The following NOX4 variants were observed in gnomAD, a reference collection of about 807,000 sequenced individuals.
The protein encoded by NOX4 is NADPH oxidase 4, also known as kidney oxidase-1.
In NOX4, 69 loss-of-function variants were observed where a neutral mutation model predicts 87.6. That is an observed-to-expected ratio of 0.79 (90% CI 0.65 to 0.96). The LOEUF is 0.96. Among genes scored for constraint, NOX4 ranks in the 40% least tolerant of loss-of-function variants. The pLI, the probability that NOX4 is intolerant of heterozygous loss-of-function variation, is 0.00. For missense variants in NOX4, 680 were observed against 681.5 expected (o/e 1.00, Z 0.02); for synonymous variants, 275 against 238.2 (o/e 1.15, Z -1.42).
intron 3 of NOX4, 43 bp from the exon 4 acceptor site, chr11:89,449,567 T>G: frequency 6.7e-7 from 1 of 1,497,912 alleles, no homozygotes; most frequent in Non-Finnish European, 9.2e-7. Context: ...ATGCAACAAA[T>G]GTGATAAAAG....
chr11:89,530,344 CTTT>C, the NOX4 span, among the ~76,000 whole-genome samples: 6 of 127,816 alleles, frequency 4.7e-5, no homozygotes, highest in Non-Finnish European at 3.2e-5. Context: ...GATGTCTATT[CTTT>C]TTTTTTTTTT....
chr11:89,510,352 T>A, the NOX4 span, among the ~76,000 whole-genome samples: 1 of 152,130 alleles, frequency 6.6e-6, no homozygotes, highest in Admixed American at 6.6e-5. Flanking sequence ...TTAGCTGAGA[T>A]AGGTGAACAC....
At chr11:89,549,003 C>T in the NOX4 span, among the ~76,000 whole-genome samples, 1 of 152,184 alleles carries the variant, frequency 6.6e-6, no homozygotes, top group Non-Finnish European at 1.5e-5. Context: ...CCATATATAA[C>T]AAATCTCAAA....
intron 12 of NOX4, among the ~76,000 whole-genome samples, chr11:89,362,300 T>C (rs1379072427): frequency 2.0e-5 from 3 of 152,070 alleles, no homozygotes; most frequent in Admixed American, 2.0e-4. Flanking sequence ...GTGATGCATG[T>C]GCATGTGTTT....
At position 89,326,767 on chromosome 11, in the gene NOX4, ACT is replaced by A. The variant is rs1457442634; in HGVS notation, c.1724_1725del (p.Glu575ValfsTer38). 3 of 1,611,996 alleles carry A rather than the reference ACT, an allele frequency of 1.9e-6. No individual in the cohort carries two copies. In the African/African-American group the frequency reaches 4.0e-5, roughly 22 times the overall value. On this transcript the variant is annotated frameshift_variant, in exon 18 of 18. Transcript: ENST00000263317. LOFTEE classifies it high-confidence loss of function. ...CATGGCAAAAGTTTTCAGCTGAAAG[ACT>A]CTTTATTGTATTCAAATCTTGTCCC... ...SYGTRFEYNK[E>X]SFS
chr11:89,506,404 C>A, the NOX4 span, among the ~76,000 whole-genome samples: 1 of 151,524 alleles, frequency 6.6e-6, no homozygotes, highest in South Asian at 2.1e-4. Context: ...ATATTTTCAT[C>A]CATATCTTAC....
the NOX4 span, among the ~76,000 whole-genome samples, chr11:89,541,580 G>A: frequency 6.6e-6 from 1 of 152,072 alleles, no homozygotes; most frequent in African/African-American, 2.4e-5. Flanking sequence ...CATAGTTGAT[G>A]CTGAATGCAG....
intron 8 of NOX4, among the ~76,000 whole-genome samples, chr11:89,416,999 C>A (rs544214934): frequency 6.6e-6 from 1 of 152,084 alleles, no homozygotes; most frequent in Non-Finnish European, 1.5e-5. Context: ...TTGAGGAGGA[C>A]CTTCCCCTCT....
the NOX4 span, among the ~76,000 whole-genome samples, chr11:89,510,722 T>A: frequency 6.6e-6 from 1 of 152,116 alleles, no homozygotes; most frequent in Non-Finnish European, 1.5e-5. Context: ...TGAAATAGGA[T>A]TATGTTTCCA....
chr11:89,337,487 A>T lies in NOX4; in HGVS notation c.1475T>A (p.Val492Asp), dbSNP rs765941064. Residue 492 changes from valine to aspartate, a missense_variant, in exon 16 of 18, where the codon GTC becomes GAC. By Grantham distance (152) the Val-to-Asp change is radical. Coordinates refer to ENST00000263317, the MANE Select transcript of NOX4 (RefSeq NM_016931.5). ...KFWQENRPDY[V>D]NIQLYLSQTD... ...TTGACTGAGGTACAGCTGGATGTTGACATAGTCAGGTCTGTTCTCTTGCCA... is the reference window on the plus strand; with the variant it reads ...TTGACTGAGGTACAGCTGGATGTTGTCATAGTCAGGTCTGTTCTCTTGCCA... 1.2e-6 allele frequency: 2 copies of T among 1,612,340 alleles called. No individual in the cohort carries two copies. The highest frequency in any genetic ancestry group is 1.7e-5 in the Admixed American group (1 of 59,836).
At position 89,324,734 on chromosome 11, in the gene NOX4, T is replaced by A. The variant is rs1459091047; in HGVS notation, c.*2022A>T. On this transcript the variant is annotated 3_prime_UTR_variant, in exon 18 of 18. Transcript: ENST00000263317. ...CTTTTTACTAGTTCTTTCTGTTAAA[T>A]GTTTCCATGAAAATTCTTTTTAATC... The A allele has an allele frequency of 6.6e-6, 1 of 152,240 alleles. No individual in the cohort carries two copies. The highest frequency in any genetic ancestry group is 1.5e-5 in the Non-Finnish European group (1 of 68,050). The allele number at this position is 152,240 out of a possible 1,614,324, so 9.4% of individuals were successfully genotyped here.
chr11:89,449,424 C>T lies in NOX4; in HGVS notation c.349+16G>A. The T allele has an allele frequency of 6.5e-7, 1 of 1,542,414 alleles. No homozygotes were observed. The highest frequency in any genetic ancestry group is 1.2e-5 in the South Asian group (1 of 85,956). On this transcript the variant is annotated intron_variant, in intron 4 of 17. Coordinates refer to ENST00000263317, the MANE Select transcript of NOX4 (RefSeq NM_016931.5). ...GTAATTCTAACAAATTATTTAATAT[C>T]TTGTGGCTTTCTCACCTGAGAAAAT...
the NOX4 span, among the ~76,000 whole-genome samples, chr11:89,565,966 G>C: frequency 6.6e-6 from 1 of 151,786 alleles, no homozygotes; most frequent in Non-Finnish European, 1.5e-5. Context: ...ATGTATTGCT[G>C]GATTTGTGCA....
At chr11:89,365,007 C>T (rs1439455585) in intron 12 of NOX4, among the ~76,000 whole-genome samples, 2 of 152,086 alleles carry the variant, frequency 1.3e-5, no homozygotes, top group Non-Finnish European at 2.9e-5. Flanking sequence ...CGTCATACTG[C>T]CTTATTCTCT....
chr11:89,451,379 A>T (rs1283808429), intron 3 of NOX4, among the ~76,000 whole-genome samples: 1 of 152,106 alleles, frequency 6.6e-6, no homozygotes, highest in Admixed American at 6.6e-5. Flanking sequence ...ACAGAATCTC[A>T]ATGAGACAAG....
At chr11:89,471,780 C>T (rs1945953866) in intron 2 of NOX4, among the ~76,000 whole-genome samples, 1 of 152,142 alleles carries the variant, frequency 6.6e-6, no homozygotes, top group Non-Finnish European at 1.5e-5. Context: ...CTCTCTCTGT[C>T]ACCCAGACTG....
chr11:89,335,920 G>A lies in NOX4; in HGVS notation c.1541C>T (p.Ala514Val). Residue 514 changes from alanine (A) to valine (V), a missense_variant, in exon 17 of 18, where the codon GCA becomes GTA. Ala to Val is a moderately conservative substitution (Grantham distance 64). Coordinates refer to ENST00000263317, the MANE Select transcript of NOX4 (RefSeq NM_016931.5). ...IQKIIGEKYH[A>V]LNSRLFIGRP... ...TCCTATAAACAGTCTTGAATTCAGT[G>A]CATGATATTTTTCTCCAATTATCTT... The A allele has an allele frequency of 5.0e-6, 8 of 1,596,136 alleles. No homozygotes were observed. The highest frequency in any genetic ancestry group is 6.8e-6 in the Non-Finnish European group (8 of 1,171,730).
Position 89,376,838 on chromosome 11 carries a change from C to T in NOX4, c.1075-3346G>A, listed in dbSNP as rs113286567. Among the ~76,000 whole-genome samples the T allele has an allele frequency of 1.9e-3, 283 of 152,148 alleles. 2 individuals carry two copies. Among genetic ancestry groups the T allele is most frequent in the African/African-American group, 6.5e-3 (272 of 41,530 alleles). Reference sequence around the variant, plus strand: ...TGGAGGTTGCAGTGAGCTGAGATCACGCCACTGCACTCCAGCCTGGGTGAC... The same window carrying T: ...TGGAGGTTGCAGTGAGCTGAGATCATGCCACTGCACTCCAGCCTGGGTGAC... On this transcript the variant is annotated intron_variant, in intron 11 of 17. Coordinates refer to ENST00000263317, the MANE Select transcript of NOX4 (RefSeq NM_016931.5).
At chr11:89,426,728 C>A (rs1333577244) in intron 7 of NOX4, among the ~76,000 whole-genome samples, 1 of 152,142 alleles carries the variant, frequency 6.6e-6, no homozygotes, top group Non-Finnish European at 1.5e-5. Flanking sequence ...GGCCTGGATG[C>A]TCAAACTGGG....
Sources: allele counts gnomAD v4.1 joint callset (sites outside exome capture counted in the v4.1 genomes callset), GRCh38; gene constraint gnomAD v4.1.1; transcripts MANE v1.5; gene names NCBI Gene and HGNC (gene_info 2026-07-23, HGNC 2026-07-21).